Variants in UTS2B observed in about 807,000 individuals in gnomAD.
UTS2B encodes the protein urotensin-2B.
UTS2B carries 21 observed loss-of-function variants against 19.2 expected under a neutral mutation model. The ratio of observed to expected loss-of-function variants is 1.09; its 90% CI spans 0.78 to 1.58. The LOEUF is 1.58. UTS2B is among the 40% of genes most tolerant of loss of function. The pLI is 0.00. For missense variants in UTS2B, 138 were observed against 130.3 expected, an observed-to-expected ratio of 1.06 and a Z score of -0.29; for synonymous variants, 57 against 50.2, an observed-to-expected ratio of 1.14 and a Z score of -0.58.
At chr3:191,341,349 A>G in the UTS2B span, among the ~76,000 whole-genome samples, 1 of 152,120 alleles carries the variant, frequency 6.6e-6, no homozygotes, top group Non-Finnish European at 1.5e-5. Flanking sequence ...TTTAGTCCTC[A>G]CAACATTTAT....
chr3:191,332,685 TA>T (rs1036994333), upstream of UTS2B, among the ~76,000 whole-genome samples: 4 of 152,226 alleles, frequency 2.6e-5, no homozygotes, highest in African/African-American at 9.6e-5. Flanking sequence ...CATATTTTTG[TA>T]AAAAACTTTT....
At chr3:191,344,406 G>A in the UTS2B span, among the ~76,000 whole-genome samples, 3 of 152,136 alleles carry the variant, frequency 2.0e-5, no homozygotes, top group Non-Finnish European at 4.4e-5. Context: ...GTGAAACTGA[G>A]GAGATCTGAA....
At position 191,329,348 on chromosome 3, in the gene UTS2B, C is replaced by A. The variant is rs543596924; in HGVS notation, c.-664-639G>T. 1.7e-5 allele frequency: 5 copies of A among 300,694 alleles called. No individual in the cohort carries two copies. The South Asian group carries it at 4.0e-4, about 24-fold the overall frequency. 18.6% of individuals were successfully genotyped at this position (300,694 alleles called of 1,614,324 possible). A position where few individuals can be genotyped will look rare whatever the true frequency, so the allele number is the denominator to read the frequency against. On this transcript the variant is annotated intron_variant, in intron 1 of 8. Coordinates refer to ENST00000340524, the MANE Select transcript of UTS2B (RefSeq NM_198152.5). ...CTCCCCCTCCCCCAGCCGGCCCGCC[C>A]GCCTTTCTGTCTCCTCTCTCCCTCC...
At chr3:191,321,343 A>G (rs1223295324) in intron 2 of UTS2B, among the ~76,000 whole-genome samples, 2 of 152,230 alleles carry the variant, frequency 1.3e-5, no homozygotes, top group African/African-American at 2.4e-5. Flanking sequence ...CCTTTTAACT[A>G]TTTTTAAAAT....
chr3:191,326,538 A>G (rs953864646), intron 2 of UTS2B, among the ~76,000 whole-genome samples: 2 of 152,236 alleles, frequency 1.3e-5, no homozygotes, highest in African/African-American at 4.8e-5. Context: ...TTGCCTTATA[A>G]ATAAAATCCT....
At chr3:191,329,274 G>C in intron 1 of UTS2B, 1 of 188,346 alleles carries the variant, frequency 5.3e-6, no homozygotes, top group Non-Finnish European at 1.1e-5. Flanking sequence ...GGCAGCGGGC[G>C]CTGATCTTCG....
At chr3:191,329,398 C>T in intron 1 of UTS2B, 1 of 408,882 alleles carries the variant, frequency 2.4e-6, no homozygotes, top group Non-Finnish European at 4.3e-6. Flanking sequence ...CGGTCCATTT[C>T]CGGGCTCCGG....
Position 191,294,957 on chromosome 3 carries a change from G to A in UTS2B, c.-125+9535C>T, listed in dbSNP as rs149977975. ...TAGTTATAAGAATCGCTTGATCCTG[G>A]GAGATTGAGCTTCCAGTGAGCTGAG... On this transcript the variant is annotated intron_variant, in intron 4 of 8. Transcript: ENST00000340524. 5.3e-5 allele frequency among the ~76,000 whole-genome samples: 8 copies of A among 151,988 alleles called. No homozygotes were observed. In the East Asian group the frequency reaches 1.5e-3, roughly 29 times the overall value.
chr3:191,305,203 C>G (rs1347048691), intron 3 of UTS2B, among the ~76,000 whole-genome samples: 1 of 152,102 alleles, frequency 6.6e-6, no homozygotes, highest in East Asian at 1.9e-4. Context: ...ATTGCTGGGT[C>G]AAATGGTATT....
chr3:191,317,541 C>T (rs1717497432), intron 2 of UTS2B, among the ~76,000 whole-genome samples: 1 of 151,734 alleles, frequency 6.6e-6, no homozygotes, highest in Non-Finnish European at 1.5e-5. Flanking sequence ...GCTGCTAGCA[C>T]GTTGTCACCT....
At chr3:191,334,421 C>T (rs1718078511), upstream of UTS2B, among the ~76,000 whole-genome samples, 1 of 152,134 alleles carries the variant, frequency 6.6e-6, no homozygotes, top group Non-Finnish European at 1.5e-5. Context: ...TAACGGACGA[C>T]TCACACGTGG....
chr3:191,323,098 A>G (rs191845935), intron 2 of UTS2B, among the ~76,000 whole-genome samples: 137 of 151,676 alleles, frequency 9.0e-4, no homozygotes, highest in Middle Eastern at 6.8e-3. Flanking sequence ...AGATTTGGAA[A>G]GGGTATGATG....
At chr3:191,295,362 G>A (rs1431931743) in intron 4 of UTS2B, among the ~76,000 whole-genome samples, 1 of 151,826 alleles carries the variant, frequency 6.6e-6, no homozygotes, top group Non-Finnish European at 1.5e-5. Context: ...TGCTGACAAC[G>A]ACCTGCTCCT....
At chr3:191,292,939 A>G (rs1716757362) in intron 4 of UTS2B, among the ~76,000 whole-genome samples, 1 of 152,128 alleles carries the variant, frequency 6.6e-6, no homozygotes, top group African/African-American at 2.4e-5. Flanking sequence ...AGGAGGCAGA[A>G]GGTGCAGTGA....
At chr3:191,313,538 AAC>A (rs138926669) in intron 3 of UTS2B, among the ~76,000 whole-genome samples, 7,399 of 152,214 alleles carry the variant, frequency 0.049, 590 homozygotes, top group African/African-American at 0.17. Context: ...GTGAGATAAT[AAC>A]AGTTATGCTT....
rs150618231 is a variant in UTS2B, at chr3:191,299,403, C to T, written c.-125+5089G>A. On this transcript the variant is annotated intron_variant, in intron 4 of 8. Transcript: ENST00000340524. ...TTTGCAGCCTCTGGACACTGCTCTT[C>T]ACAGCTCAGTTGCTTCAGCTCCAGC... Among the ~76,000 whole-genome samples, 800 of 152,360 alleles carry T rather than the reference C, an allele frequency of 5.3e-3. 11 individuals carry two copies. Among genetic ancestry groups the T allele is most frequent in the African/African-American group, 0.018 (739 of 41,588 alleles).
chr3:191,269,896 C>T (rs927280023), intron 8 of UTS2B, among the ~76,000 whole-genome samples: 3 of 152,182 alleles, frequency 2.0e-5, no homozygotes, highest in South Asian at 2.1e-4. Flanking sequence ...AGAGCCAATT[C>T]CCCAATGTTT....
intron 1 of UTS2B, chr3:191,329,644 G>A (rs1454523562): frequency 1.9e-6 from 3 of 1,599,934 alleles, no homozygotes; most frequent in African/African-American, 1.3e-5. Context: ...GGAAGCCCGC[G>A]TTAAAGGGGC....
the UTS2B span, among the ~76,000 whole-genome samples, chr3:191,340,533 C>T: frequency 6.6e-6 from 1 of 152,192 alleles, no homozygotes; most frequent in Non-Finnish European, 1.5e-5. Context: ...CAACAGTTTT[C>T]CTTCATACCC....
Sources: gnomAD v4.1 joint callset for allele counts (sites outside exome capture counted in the v4.1 genomes callset) on GRCh38, gnomAD v4.1.1 for gene constraint, MANE v1.5 for transcripts, NCBI Gene and HGNC (gene_info 2026-07-23, HGNC 2026-07-21) for gene names.